Variants in ANGPT1 observed in about 807,000 individuals in gnomAD.
ANGPT1 encodes angiopoietin 1.
In ANGPT1, 17 loss-of-function variants were observed where a neutral mutation model predicts 62.2. The ratio of observed to expected loss-of-function variants is 0.27; its 90% CI spans 0.19 to 0.41. The LOEUF is 0.41. Among genes scored for constraint, ANGPT1 ranks in the 10% least tolerant of loss-of-function variants. The pLI is 1.00. For missense variants in ANGPT1, 478 were observed against 594.9 expected (o/e 0.80, Z 2.04); for synonymous variants, 199 against 198.9 (o/e 1.00, Z 0.00).
At chr8:107,348,623 G>A (rs1316786294) in intron 1 of ANGPT1, among the ~76,000 whole-genome samples, 1 of 152,130 alleles carries the variant, frequency 6.6e-6, no homozygotes, top group Non-Finnish European at 1.5e-5. Context: ...CAAAATGTAA[G>A]GCCTGTAGGC....
rs188134067 is a variant in ANGPT1 at position 107,419,619 on chromosome 8, C to T, written c.298-72522G>A. On this transcript the variant is annotated intron_variant, in intron 1 of 8. Coordinates refer to ENST00000517746, the MANE Select transcript of ANGPT1 (RefSeq NM_001146.5). ...TTAAGTAAATTTGTATGCTTTTCTC[C>T]GTTAATCTGTCTTTGTCAGTTTTAT... Among the ~76,000 whole-genome samples, 3 of 152,176 alleles carry T rather than the reference C, an allele frequency of 2.0e-5. No individual in the cohort carries two copies. In the East Asian group the frequency reaches 5.8e-4, roughly 29 times the overall value.
intron 3 of ANGPT1, 116 bp from the exon 4 acceptor site, chr8:107,322,244 A>C (rs1189647520): frequency 1.4e-6 from 1 of 738,344 alleles, no homozygotes; most frequent in Non-Finnish European, 2.2e-6. Context: ...TTCACTGTAA[A>C]AATATTTTTA....
chr8:107,495,261 G>C (rs997528167), intron 1 of ANGPT1, among the ~76,000 whole-genome samples: 1 of 152,116 alleles, frequency 6.6e-6, no homozygotes, highest in Non-Finnish European at 1.5e-5. Flanking sequence ...ATACCAATAG[G>C]GACGTTTTCA....
intron 1 of ANGPT1, among the ~76,000 whole-genome samples, chr8:107,469,615 T>C (rs966083087): frequency 1.3e-5 from 2 of 151,968 alleles, no homozygotes; most frequent in African/African-American, 2.4e-5. Context: ...TCTCACACTG[T>C]TGGAGAAAAA....
At chr8:107,370,409 A>AAAGAAAGGAAGGAG in intron 1 of ANGPT1, among the ~76,000 whole-genome samples, 1 of 134,334 alleles carries the variant, frequency 7.4e-6, no homozygotes, top group Non-Finnish European at 1.7e-5. Context: ...AGAAAGAAAG[A>AAAGAAAGGAAGGAG]GTCAGGGTCA....
chr8:107,417,163 A>T lies in ANGPT1; in HGVS notation c.298-70066T>A, dbSNP rs139999642. 4.2e-3 allele frequency among the ~76,000 whole-genome samples: 639 copies of T among 152,288 alleles called. 5 individuals carry two copies. Among genetic ancestry groups the T allele is most frequent in the African/African-American group, 0.015 (614 of 41,562 alleles). On this transcript the variant is annotated intron_variant, in intron 1 of 8. Coordinates refer to ENST00000517746, the MANE Select transcript of ANGPT1 (RefSeq NM_001146.5). ...TTAGTGTCTATGGCCTTCAGGAGAA[A>T]TAAAAAGGGACATGGGAGTTATAAG...
intron 1 of ANGPT1, among the ~76,000 whole-genome samples, chr8:107,433,509 A>G (rs941986204): frequency 1.9e-4 from 29 of 152,246 alleles, no homozygotes; most frequent in Non-Finnish European, 3.7e-4. Flanking sequence ...TGTCCCTGAC[A>G]TGAAAGATGG....
At position 107,250,288 on chromosome 8, in the gene ANGPT1, T is replaced by C. The variant is rs1181384612; in HGVS notation, c.*1567A>G. 1 of 152,144 alleles carries C rather than the reference T, an allele frequency of 6.6e-6. No homozygotes were observed. The highest frequency in any genetic ancestry group is 2.4e-5 in the African/African-American group (1 of 41,440). The allele number at this position is 152,144 out of a possible 1,614,324, so 9.4% of individuals were successfully genotyped here. ...TTGGACACTTACAGGCAGAGAAGAC[T>C]TCTTGATAAAATAATGCAGTAACTT... On this transcript the variant is annotated 3_prime_UTR_variant, in exon 9 of 9. Coordinates refer to ENST00000517746, the MANE Select transcript of ANGPT1 (RefSeq NM_001146.5).
intron 5 of ANGPT1, chr8:107,294,500 T>C (rs1380047649): frequency 6.5e-6 from 1 of 152,740 alleles, no homozygotes; most frequent in Non-Finnish European, 1.5e-5. Context: ...ATAATGTCTT[T>C]AACTATCACA....
chr8:107,490,936 A>T (rs1258225216), intron 1 of ANGPT1, among the ~76,000 whole-genome samples: 1 of 152,242 alleles, frequency 6.6e-6, no homozygotes, highest in Non-Finnish European at 1.5e-5. Context: ...GATAGAGAGG[A>T]TGGAAACTCA....
intron 8 of ANGPT1, among the ~76,000 whole-genome samples, chr8:107,255,583 G>A (rs1813340036): frequency 6.6e-6 from 1 of 152,144 alleles, no homozygotes; most frequent in South Asian, 2.1e-4. Flanking sequence ...TCGTTCATAT[G>A]AAGGTATTTA....
intron 7 of ANGPT1, among the ~76,000 whole-genome samples, chr8:107,267,551 G>C (rs912490184): frequency 6.6e-5 from 10 of 152,000 alleles, no homozygotes; most frequent in African/African-American, 2.4e-4. Flanking sequence ...GTTCTTCTCT[G>C]GATTATCAAA....
intron 2 of ANGPT1, among the ~76,000 whole-genome samples, chr8:107,339,570 C>T (rs916413141): frequency 6.6e-6 from 1 of 152,088 alleles, no homozygotes; most frequent in Non-Finnish European, 1.5e-5. Flanking sequence ...ATCACATCAC[C>T]TTATTTAATT....
At chr8:107,431,583 C>T (rs774530080) in intron 1 of ANGPT1, among the ~76,000 whole-genome samples, 3 of 152,184 alleles carry the variant, frequency 2.0e-5, no homozygotes, top group Non-Finnish European at 4.4e-5. Flanking sequence ...CAACCTCTTT[C>T]TTCCTTAGCA....
intron 1 of ANGPT1, among the ~76,000 whole-genome samples, chr8:107,354,891 A>G (rs1463908821): frequency 6.7e-6 from 1 of 148,816 alleles, no homozygotes; most frequent in African/African-American, 2.5e-5. Flanking sequence ...CTTTTTCTAC[A>G]TTAAATCCAC....
At chr8:107,269,848 T>C (rs1813698692) in intron 7 of ANGPT1, among the ~76,000 whole-genome samples, 1 of 152,058 alleles carries the variant, frequency 6.6e-6, no homozygotes, top group Admixed American at 6.6e-5. Context: ...CTTCGACGGA[T>C]GACTATAAAG....
At chr8:107,379,992 A>G (rs1816603409) in intron 1 of ANGPT1, among the ~76,000 whole-genome samples, 1 of 152,158 alleles carries the variant, frequency 6.6e-6, no homozygotes, top group Admixed American at 6.5e-5. Context: ...TTCCACACAA[A>G]AATCTAAGAA....
intron 1 of ANGPT1, among the ~76,000 whole-genome samples, chr8:107,366,579 G>T (rs1181577404): frequency 1.3e-5 from 2 of 152,106 alleles, no homozygotes; most frequent in East Asian, 3.9e-4. Context: ...AAAGCTTGTT[G>T]TCATTATTTT....
At chr8:107,471,237 C>T (rs1812349920) in intron 1 of ANGPT1, among the ~76,000 whole-genome samples, 1 of 152,064 alleles carries the variant, frequency 6.6e-6, no homozygotes, top group Non-Finnish European at 1.5e-5. Flanking sequence ...GAGCTCATGT[C>T]CTTTGCAGGG....
Sources: gnomAD v4.1 joint callset for allele counts (sites outside exome capture counted in the v4.1 genomes callset) on GRCh38, gnomAD v4.1.1 for gene constraint, MANE v1.5 for transcripts, NCBI Gene and HGNC (gene_info 2026-07-23, HGNC 2026-07-21) for gene names.